Variants in KIF6 observed in about 807,000 individuals in gnomAD.
The protein encoded by KIF6 is kinesin family member 6.
Under a neutral mutation model 112.7 loss-of-function variants are expected in KIF6, and 106 were observed. The ratio of observed to expected loss-of-function variants is 0.94; its 90% confidence interval spans 0.80 to 1.11. KIF6 has a LOEUF of 1.11. Among genes scored for constraint, KIF6 ranks in the 50% least tolerant of loss-of-function variants. KIF6 has a pLI of 0.00. For missense variants in KIF6, 929 were observed against 964.0 expected, an observed-to-expected ratio of 0.96 and a Z score of 0.48; for synonymous variants, 339 against 339.9, an observed-to-expected ratio of 1.00 and a Z score of 0.03.
intron 16 of KIF6, among the ~76,000 whole-genome samples, chr6:39,365,362 A>G (rs1391203698): frequency 6.6e-6 from 1 of 152,196 alleles, no homozygotes; most frequent in Non-Finnish European, 1.5e-5. Flanking sequence ...ATTGGCTCAG[A>G]TGAGGCAGCC....
At chr6:39,622,849 C>T (rs1783903646) in intron 5 of KIF6, among the ~76,000 whole-genome samples, 1 of 152,170 alleles carries the variant, frequency 6.6e-6, no homozygotes, top group African/African-American at 2.4e-5. Context: ...TAAAGCTGCC[C>T]ACTAAGAATG....
At chr6:39,499,044 GAGCAA>G (rs1184981393) in intron 13 of KIF6, among the ~76,000 whole-genome samples, 3 of 152,236 alleles carry the variant, frequency 2.0e-5, no homozygotes, top group Non-Finnish European at 4.4e-5. Context: ...GCTGTGGAAA[GAGCAA>G]AGAATCTGTA....
intron 6 of KIF6, among the ~76,000 whole-genome samples, chr6:39,612,079 C>A (rs1385269123): frequency 1.3e-5 from 2 of 152,012 alleles, no homozygotes; most frequent in African/African-American, 4.8e-5. Flanking sequence ...ACAACTGTGA[C>A]AAAAACAAAA....
At chr6:39,417,332 G>A (rs1388424217) in intron 15 of KIF6, among the ~76,000 whole-genome samples, 1 of 152,164 alleles carries the variant, frequency 6.6e-6, no homozygotes, top group African/African-American at 2.4e-5. Flanking sequence ...GGGTGGCCAG[G>A]AATGGGTCTC....
chr6:39,346,063 T>C (rs1562112630), intron 20 of KIF6, among the ~76,000 whole-genome samples: 2 of 16,800 alleles, frequency 1.2e-4, no homozygotes, highest in Non-Finnish European at 2.1e-4. Context: ...TCTCTCTCTC[T>C]CTCTCTCTCT....
At chr6:39,497,173 C>G (rs985711804) in intron 13 of KIF6, among the ~76,000 whole-genome samples, 6 of 152,234 alleles carry the variant, frequency 3.9e-5, no homozygotes, top group African/African-American at 1.4e-4. Flanking sequence ...CAGGAGCCAG[C>G]CTGCCAAAAT....
chr6:39,398,407 A>G (rs1455592840), intron 15 of KIF6, among the ~76,000 whole-genome samples: 1 of 152,236 alleles, frequency 6.6e-6, no homozygotes, highest in Non-Finnish European at 1.5e-5. Context: ...TCCAGGGTCT[A>G]ACAGGTGCCA....
At chr6:39,521,504 C>T (rs1562283733) in intron 13 of KIF6, among the ~76,000 whole-genome samples, 1 of 152,094 alleles carries the variant, frequency 6.6e-6, no homozygotes. Flanking sequence ...TGCCCCCATC[C>T]CTAGGAGAGC....
At chr6:39,540,414 C>T (rs1206481570) in intron 12 of KIF6, among the ~76,000 whole-genome samples, 193 bp from the exon 13 acceptor site, 1 of 152,192 alleles carries the variant, frequency 6.6e-6, no homozygotes, top group Admixed American at 6.5e-5. Flanking sequence ...TATAGCACCA[C>T]TGTATGAAAA....
intron 3 of KIF6, among the ~76,000 whole-genome samples, chr6:39,643,247 C>T (rs1169436273): frequency 6.7e-6 from 1 of 149,148 alleles, no homozygotes; most frequent in East Asian, 2.0e-4. Flanking sequence ...GGCAATATTC[C>T]CTAAACTGAT....
intron 13 of KIF6, among the ~76,000 whole-genome samples, chr6:39,529,470 G>A (rs1241931904): frequency 6.6e-6 from 1 of 152,130 alleles, no homozygotes; most frequent in Non-Finnish European, 1.5e-5. Context: ...TCTACAGAAA[G>A]AAAACCAATA....
At chr6:39,352,822 T>C in intron 19 of KIF6, among the ~76,000 whole-genome samples, 1 of 152,190 alleles carries the variant, frequency 6.6e-6, no homozygotes, top group Non-Finnish European at 1.5e-5. Flanking sequence ...CAGGCTGCTC[T>C]TGAATTCCTG....
At chr6:39,362,991 A>G (rs1372603041) in intron 16 of KIF6, among the ~76,000 whole-genome samples, 3 of 152,162 alleles carry the variant, frequency 2.0e-5, no homozygotes, top group African/African-American at 7.2e-5. Flanking sequence ...TCTACTAAAA[A>G]TACAAAAATT....
chr6:39,483,682 G>C (rs1228968671), intron 13 of KIF6, among the ~76,000 whole-genome samples: 1 of 152,110 alleles, frequency 6.6e-6, no homozygotes. Context: ...ATGTTTTGCT[G>C]CTCTTCCAGG....
At chr6:39,468,252 C>T (rs1773912791) in intron 13 of KIF6, among the ~76,000 whole-genome samples, 1 of 151,098 alleles carries the variant, frequency 6.6e-6, no homozygotes, top group Non-Finnish European at 1.5e-5. Flanking sequence ...CACCAGGATA[C>T]AAGTAATGAG....
chr6:39,450,060 A>T (rs1772586974), intron 13 of KIF6, among the ~76,000 whole-genome samples: 1 of 152,164 alleles, frequency 6.6e-6, no homozygotes, highest in Admixed American at 6.5e-5. Context: ...TCCATGAATA[A>T]TTCTCTCCAA....
chr6:39,614,473 T>C (rs1783396781), intron 5 of KIF6, among the ~76,000 whole-genome samples: 1 of 152,198 alleles, frequency 6.6e-6, no homozygotes, highest in African/African-American at 2.4e-5. Context: ...GCAAGTATCA[T>C]AATTTTTTTC....
intron 3 of KIF6, among the ~76,000 whole-genome samples, chr6:39,702,167 A>G (rs996344917): frequency 6.6e-6 from 1 of 152,042 alleles, no homozygotes; most frequent in Non-Finnish European, 1.5e-5. Flanking sequence ...CCTTGTCCAT[A>G]GTGATCCTTC....
chr6:39,521,795 A>G (rs1487165583), intron 13 of KIF6, among the ~76,000 whole-genome samples: 1 of 152,198 alleles, frequency 6.6e-6, no homozygotes, highest in Non-Finnish European at 1.5e-5. Context: ...GCATATCATT[A>G]AAAACCCAAT....
Sources: gnomAD v4.1 joint callset for allele counts (sites outside exome capture counted in the v4.1 genomes callset) on GRCh38, gnomAD v4.1.1 for gene constraint, MANE v1.5 for transcripts, NCBI Gene and HGNC (gene_info 2026-07-23, HGNC 2026-07-21) for gene names.